Variants in CDH10 observed in about 807,000 individuals in gnomAD.
CDH10 encodes the protein cadherin 10, also known as cadherin-10.
In CDH10, 30 loss-of-function variants were observed where a neutral mutation model predicts 73.1. That is an observed-to-expected ratio of 0.41 (90% CI 0.31 to 0.56). The LOEUF (loss-of-function observed/expected upper bound fraction) is 0.56. Among genes scored for constraint, CDH10 ranks in the 20% least tolerant of loss-of-function variants. The pLI, the probability that CDH10 is intolerant of heterozygous loss-of-function variation, is 0.27. For missense variants in CDH10, 815 were observed against 973.7 expected (o/e 0.84, Z 2.17); for synonymous variants, 345 against 348.2 (o/e 0.99, Z 0.10).
At position 24,537,417 on chromosome 5, in the gene CDH10, T is replaced by G; in HGVS notation, c.489A>C (p.Glu163Asp). The G allele has an allele frequency of 6.2e-7, 1 of 1,612,752 alleles. No homozygotes were observed. The highest frequency in any genetic ancestry group is 8.5e-7 in the Non-Finnish European group (1 of 1,179,086). ...TTTCGGGAACACTAGCTGTATAGAT[T>G]TCTTCTGGGAACGTTGGCTCATTGT... ...INDNEPTFPE[E>D]IYTASVPEMS... The change falls in exon 3 of 12, where the codon GAA becomes GAC. Residue 163 changes from glutamate to aspartate, a missense_variant. Glu to Asp is a conservative substitution (Grantham distance 45). Transcript: ENST00000264463.
chr5:24,510,131 C>T lies in CDH10; in HGVS notation c.1003-312G>A, dbSNP rs118154938. Among the ~76,000 whole-genome samples, 63 of 152,218 alleles carry T rather than the reference C, an allele frequency of 4.1e-4. No homozygotes were observed. The East Asian group carries it at 4.3e-3, about 10-fold the overall frequency. On this transcript the variant is annotated intron_variant, in intron 6 of 11. Transcript: ENST00000264463. ...ACAAAAAATGGGCTAATGGATGTTG[C>T]ATGTGTTTGCGTGTGAATGTGCACG...
At chr5:24,616,097 T>C (rs1747118087) in intron 1 of CDH10, among the ~76,000 whole-genome samples, 1 of 151,912 alleles carries the variant, frequency 6.6e-6, no homozygotes, top group Admixed American at 6.6e-5. Context: ...TTCATTGCAT[T>C]ACATAAATTT....
At chr5:24,502,573 G>A (rs1024297923) in intron 8 of CDH10, among the ~76,000 whole-genome samples, 3 of 152,018 alleles carry the variant, frequency 2.0e-5, no homozygotes, top group Admixed American at 6.6e-5. Flanking sequence ...TGGCAGGTAG[G>A]CATTTTTGGC....
At chr5:24,516,587 A>T (rs1743116227) in intron 5 of CDH10, among the ~76,000 whole-genome samples, 1 of 152,002 alleles carries the variant, frequency 6.6e-6, no homozygotes, top group African/African-American at 2.4e-5. Context: ...AGATCAGTAT[A>T]GATTCAAAAA....
chr5:24,557,279 T>C (rs1174019952), intron 2 of CDH10, among the ~76,000 whole-genome samples: 2 of 151,742 alleles, frequency 1.3e-5, no homozygotes, highest in South Asian at 2.1e-4. Flanking sequence ...ATTTTCTGGG[T>C]TTTTTTGTAA....
intron 2 of CDH10, among the ~76,000 whole-genome samples, chr5:24,542,773 G>T (rs1364016279): frequency 6.6e-6 from 1 of 152,098 alleles, no homozygotes; most frequent in Non-Finnish European, 1.5e-5. Context: ...GTTTATAGAT[G>T]ATACCTTCTG....
At chr5:24,633,395 T>TG (rs1483134039) in intron 1 of CDH10, among the ~76,000 whole-genome samples, 1 of 151,778 alleles carries the variant, frequency 6.6e-6, no homozygotes, top group Non-Finnish European at 1.5e-5. Context: ...ATAAAAAAAA[T>TG]GTAAACAAAT....
intron 7 of CDH10, among the ~76,000 whole-genome samples, chr5:24,506,881 T>C (rs1468710055): frequency 1.3e-5 from 2 of 152,226 alleles, no homozygotes; most frequent in Non-Finnish European, 2.9e-5. Flanking sequence ...ATGTGTGTTC[T>C]TTCTGAATTA....
chr5:24,604,898 A>AAC (rs1406369061), intron 1 of CDH10, among the ~76,000 whole-genome samples: 352 of 147,044 alleles, frequency 2.4e-3, no homozygotes, highest in African/African-American at 8.6e-3. Flanking sequence ...AAAAAAAACA[A>AAC]AAACAAACAA....
chr5:24,578,429 C>G (rs998482132), intron 2 of CDH10: 2 of 315,804 alleles, frequency 6.3e-6, no homozygotes, highest in Admixed American at 7.4e-5. Context: ...AGACTTTATT[C>G]CTTTGCCATA....
intron 9 of CDH10, among the ~76,000 whole-genome samples, chr5:24,497,020 AT>A (rs1055288380): frequency 6.6e-6 from 1 of 152,130 alleles, no homozygotes; most frequent in Non-Finnish European, 1.5e-5. Context: ...AGATAGGCTA[AT>A]TCCCTTTTTA....
chr5:24,615,067 A>G (rs933076267), intron 1 of CDH10, among the ~76,000 whole-genome samples: 1 of 152,132 alleles, frequency 6.6e-6, no homozygotes, highest in South Asian at 2.1e-4. Context: ...TTTCTTCTCA[A>G]CTTGCCCACA....
intron 2 of CDH10, among the ~76,000 whole-genome samples, chr5:24,576,295 A>G (rs1162346616): frequency 6.6e-6 from 1 of 152,124 alleles, no homozygotes; most frequent in Admixed American, 6.5e-5. Flanking sequence ...TTGATATCTC[A>G]TAATACTTTA....
intron 5 of CDH10, among the ~76,000 whole-genome samples, chr5:24,512,829 A>G (rs1419411489): frequency 6.6e-6 from 1 of 152,156 alleles, no homozygotes; most frequent in East Asian, 1.9e-4. Flanking sequence ...AATATACATA[A>G]TAAAGTCCAG....
intron 5 of CDH10, among the ~76,000 whole-genome samples, chr5:24,526,998 T>A (rs1011898035): frequency 7.3e-6 from 1 of 137,420 alleles, no homozygotes; most frequent in African/African-American, 3.1e-5. Context: ...TTGCCCCTTA[T>A]TTTTTTGCCT....
At chr5:24,545,968 G>A (rs965040975) in intron 2 of CDH10, among the ~76,000 whole-genome samples, 2 of 152,084 alleles carry the variant, frequency 1.3e-5, no homozygotes, top group African/African-American at 4.8e-5. Flanking sequence ...GCCTTCTAAA[G>A]GTGCTTTTAT....
intron 7 of CDH10, among the ~76,000 whole-genome samples, chr5:24,508,552 T>A (rs936572939): frequency 2.0e-5 from 3 of 150,528 alleles, no homozygotes; most frequent in Admixed American, 6.6e-5. Flanking sequence ...AAAGACAGGG[T>A]GTTGCTTTGT....
At chr5:24,597,092 A>T (rs1379196693) in intron 1 of CDH10, among the ~76,000 whole-genome samples, 1 of 152,032 alleles carries the variant, frequency 6.6e-6, no homozygotes, top group Non-Finnish European at 1.5e-5. Context: ...ACATTTCTTT[A>T]TTTTAATATC....
At chr5:24,601,510 A>T (rs1233345855) in intron 1 of CDH10, among the ~76,000 whole-genome samples, 2 of 152,138 alleles carry the variant, frequency 1.3e-5, no homozygotes, top group Non-Finnish European at 2.9e-5. Context: ...GATAAGACAG[A>T]CCCACTGGGA....
Sources: allele counts gnomAD v4.1 joint callset (sites outside exome capture counted in the v4.1 genomes callset), GRCh38; gene constraint gnomAD v4.1.1; transcripts MANE v1.5; gene names NCBI Gene and HGNC (gene_info 2026-07-23, HGNC 2026-07-21).